The following ARHGAP6 variants were observed in gnomAD, a reference collection of about 807,000 sequenced individuals.
The protein encoded by ARHGAP6 is Rho GTPase activating protein 6, also known as rho GTPase-activating protein 6.
In ARHGAP6, 16 loss-of-function variants were observed where a neutral mutation model predicts 55.7. That is an observed-to-expected ratio of 0.29 (90% CI 0.19 to 0.44). ARHGAP6 has a LOEUF of 0.44. Among genes scored for constraint, ARHGAP6 ranks in the 20% least tolerant of loss-of-function variants. The probability of loss-of-function intolerance (pLI) is 1.00; values close to 1 mark genes in which losing one functional copy is unlikely to be tolerated. For missense variants in ARHGAP6, 698 were observed against 808.9 expected, an observed-to-expected ratio of 0.86 and a Z score of 1.66; for synonymous variants, 382 against 360.9, an observed-to-expected ratio of 1.06 and a Z score of -0.66.
intron 1 of ARHGAP6, among the ~76,000 whole-genome samples, chrX:11,566,066 C>T (rs1022612359): frequency 3.6e-5 from 4 of 112,172 alleles, no homozygotes; most frequent in South Asian, 3.7e-4. Context: ...ACCCCAGATA[C>T]GAATTTAGTG....
intron 3 of ARHGAP6, among the ~76,000 whole-genome samples, chrX:11,194,896 T>C (rs2046509369): frequency 8.9e-6 from 1 of 111,946 alleles, no homozygotes; most frequent in African/African-American, 3.2e-5. Flanking sequence ...CTTGGTTTCA[T>C]CGCCTTCCAT....
chrX:11,645,432 A>T (rs968996817), intron 1 of ARHGAP6, among the ~76,000 whole-genome samples: 8 of 111,724 alleles, frequency 7.2e-5, no homozygotes, highest in Non-Finnish European at 1.1e-4. Context: ...AGAAACTATA[A>T]TTCAACAATA....
At chrX:11,298,516 A>C in intron 1 of ARHGAP6, 1 of 1,210,475 alleles carries the variant, frequency 8.3e-7, no homozygotes, top group Non-Finnish European at 1.1e-6. Context: ...CACCTGAGCC[A>C]ATGGTAAACC....
intron 1 of ARHGAP6, among the ~76,000 whole-genome samples, chrX:11,596,195 G>C (rs2051899914): frequency 8.9e-6 from 1 of 112,054 alleles, no homozygotes; most frequent in South Asian, 3.7e-4. Context: ...ATAATAGACT[G>C]GATAAAGAAA....
At chrX:11,586,977 G>T (rs914480902) in intron 1 of ARHGAP6, among the ~76,000 whole-genome samples, 1 of 111,428 alleles carries the variant, frequency 9.0e-6, no homozygotes, top group Non-Finnish European at 1.9e-5. Context: ...TTGACTTGAC[G>T]GTTGTTGGTG....
At chrX:11,363,367 C>T (rs906018939) in intron 1 of ARHGAP6, among the ~76,000 whole-genome samples, 2 of 112,464 alleles carry the variant, frequency 1.8e-5, no homozygotes, top group African/African-American at 3.2e-5. Context: ...TGACTCCCCA[C>T]TGCCTGGTTC....
intron 1 of ARHGAP6, among the ~76,000 whole-genome samples, chrX:11,492,735 G>T (rs1291618453): frequency 1.3e-5 from 1 of 79,739 alleles, no homozygotes; most frequent in Admixed American, 1.2e-4. Context: ...GAGAAAGAAT[G>T]AACTAGATGA....
intron 1 of ARHGAP6, among the ~76,000 whole-genome samples, chrX:11,366,643 C>T (rs749768919): frequency 9.0e-6 from 1 of 111,710 alleles, no homozygotes; most frequent in Non-Finnish European, 1.9e-5. Flanking sequence ...AGCATCAAGT[C>T]TACAGCCTGG....
In ARHGAP6 at chrX:11,539,021, A is replaced by AT. The variant is rs201020329; in HGVS notation, c.588+125219dup. On this transcript the variant is annotated intron_variant, in intron 1 of 12. Coordinates refer to ENST00000337414, the MANE Select transcript of ARHGAP6 (RefSeq NM_013427.3). ...AGGTGTGTGCCACCACGCGTGGCTAATTTTTTTGTATTTTTAGTAGAGATG... is the reference window on the plus strand; with the variant it reads ...AGGTGTGTGCCACCACGCGTGGCTAATTTTTTTTGTATTTTTAGTAGAGATG... Among the ~76,000 whole-genome samples the AT allele has an allele frequency of 5.0e-3, 545 of 110,079 alleles. 13 individuals carry two copies. The highest frequency in any genetic ancestry group is 0.049 in the Admixed American group (507 of 10,343).
chrX:11,616,115 T>C (rs759830713), intron 1 of ARHGAP6, among the ~76,000 whole-genome samples: 3 of 110,811 alleles, frequency 2.7e-5, no homozygotes, highest in Admixed American at 1.9e-4. Context: ...AGCAGATTAG[T>C]TCTCAAGGGA....
chrX:11,466,373 G>A (rs2050293185), intron 1 of ARHGAP6, among the ~76,000 whole-genome samples: 2 of 110,082 alleles, frequency 1.8e-5, no homozygotes, highest in South Asian at 3.9e-4. Context: ...GGACAACTTC[G>A]GTAAAAAATT....
chrX:11,281,307 G>C (rs1380606345), intron 1 of ARHGAP6, among the ~76,000 whole-genome samples: 1 of 111,161 alleles, frequency 9.0e-6, no homozygotes, highest in Non-Finnish European at 1.9e-5. Flanking sequence ...TGAGGTGCTG[G>C]TCAGGGATGG....
chrX:11,162,282 T>C (rs1465006077), intron 9 of ARHGAP6, among the ~76,000 whole-genome samples: 1 of 107,364 alleles, frequency 9.3e-6, no homozygotes, highest in Non-Finnish European at 1.9e-5. Context: ...CAGCTGAAGA[T>C]GGCAGAGCAG....
intron 1 of ARHGAP6, among the ~76,000 whole-genome samples, chrX:11,293,772 C>G (rs2048034217): frequency 8.9e-6 from 1 of 112,052 alleles, no homozygotes; most frequent in Non-Finnish European, 1.9e-5. Flanking sequence ...TGATCTACTA[C>G]TTTGAAAAGC....
chrX:11,322,363 A>AT (rs199560581), intron 1 of ARHGAP6, among the ~76,000 whole-genome samples: 27,877 of 105,999 alleles, frequency 0.26, 2,847 homozygotes, highest in Middle Eastern at 0.42. Flanking sequence ...CTGATAGCAT[A>AT]TTTTTCTTTT....
chrX:11,269,687 G>A (rs2047670472), intron 1 of ARHGAP6, among the ~76,000 whole-genome samples: 1 of 111,917 alleles, frequency 8.9e-6, no homozygotes, highest in East Asian at 2.8e-4. Flanking sequence ...AGTGCTCAGT[G>A]AAAATGTGGT....
chrX:11,407,883 A>T (rs769019825), intron 1 of ARHGAP6, among the ~76,000 whole-genome samples: 1 of 111,381 alleles, frequency 9.0e-6, no homozygotes, highest in Non-Finnish European at 1.9e-5. Context: ...TACAGGAATG[A>T]TATCCTATAG....
At chrX:11,402,234 T>G (rs1277834437) in intron 1 of ARHGAP6, among the ~76,000 whole-genome samples, 1 of 112,056 alleles carries the variant, frequency 8.9e-6, no homozygotes, top group African/African-American at 3.2e-5. Flanking sequence ...AAAAGTATGC[T>G]GTACGTTTGT....
At chrX:11,487,870 A>C (rs1213489445) in intron 1 of ARHGAP6, among the ~76,000 whole-genome samples, 2 of 112,272 alleles carry the variant, frequency 1.8e-5, no homozygotes, top group African/African-American at 6.5e-5. Context: ...GAAAATTATC[A>C]AATGTCAACT....
Sources: gnomAD v4.1 joint callset for allele counts (sites outside exome capture counted in the v4.1 genomes callset) on GRCh38, gnomAD v4.1.1 for gene constraint, MANE v1.5 for transcripts, NCBI Gene and HGNC (gene_info 2026-07-23, HGNC 2026-07-21) for gene names.